Variants in ERP44 observed in about 807,000 individuals in gnomAD.
ERP44 encodes the protein endoplasmic reticulum protein 44.
ERP44 carries 25 observed loss-of-function variants against 53.4 expected under a neutral mutation model. The observed-to-expected ratio is 0.47, with a 90% CI of 0.34 to 0.65. The LOEUF (loss-of-function observed/expected upper bound fraction) is 0.65. ERP44 is among the 30% of genes least tolerant of loss of function. The pLI, the probability that ERP44 is intolerant of heterozygous loss-of-function variation, is 0.01. For synonymous variants in ERP44, 145 were observed against 161.2 expected (o/e 0.90, Z 0.76); for missense variants, 338 against 493.2 (o/e 0.69, Z 2.98).
At chr9:99,988,757 G>A (rs982107917) in intron 10 of ERP44, among the ~76,000 whole-genome samples, 1 of 152,186 alleles carries the variant, frequency 6.6e-6, no homozygotes, top group African/African-American at 2.4e-5. Flanking sequence ...ACAAGGGATT[G>A]GGGGATTTAC....
intron 1 of ERP44, among the ~76,000 whole-genome samples, chr9:100,093,644 G>A (rs74529214): frequency 0.21 from 30,950 of 147,038 alleles, 5,348 homozygotes; most frequent in African/African-American, 0.49. Flanking sequence ...CCCTGTCTGT[G>A]GGGGGGGAAA....
intron 11 of ERP44, among the ~76,000 whole-genome samples, chr9:99,983,515 G>A (rs1295311439): frequency 7.2e-6 from 1 of 138,054 alleles, no homozygotes; most frequent in Non-Finnish European, 1.5e-5. Context: ...ACTGCAGTCC[G>A]CAGTCCGACC....
chr9:100,020,679 TA>T lies in ERP44; in HGVS notation c.523del (p.Tyr175IlefsTer7). ...GYFEQKDSDN[Y>X]RVFERVANIL... is the part of the protein sequence containing the mutation. The stretch of plus-strand genomic sequence containing the variant: ...ATTCGCTACTCGTTCAAAAACTCTA[TA>T]GTTGTCCGAGTCCTTTTGCTCAAAA... On this transcript the variant is annotated frameshift_variant, in exon 6 of 12. Coordinates refer to ENST00000262455, the MANE Select transcript of ERP44 (RefSeq NM_015051.3). LOFTEE classifies it high-confidence loss of function. 1 of 1,611,202 alleles carries T rather than the reference TA, an allele frequency of 6.2e-7. No homozygotes were observed. Among genetic ancestry groups the T allele is most frequent in the Non-Finnish European group, 8.5e-7 (1 of 1,177,760 alleles).
In ERP44 at chr9:100,057,825, A is replaced by G. The variant is rs1182796670; in HGVS notation, c.165T>C (p.Ala55=). The stretch of plus-strand genomic sequence containing the variant: ...CAAACAATAAGATTACTTACCAGTC[A>G]GCATAAAAATTTACTAAAGCAACAT... The part of the protein sequence containing the change: ...NADVALVNFY[A]DWCRFSQMLH... Residue 55 remains alanine (A), a synonymous_variant, in exon 3 of 12, where the codon GCT becomes GCC. Transcript: ENST00000262455. 6.2e-7 allele frequency: 1 copy of G among 1,605,630 alleles called. No individual in the cohort carries two copies. Among genetic ancestry groups the G allele is most frequent in the Non-Finnish European group, 8.5e-7 (1 of 1,175,318 alleles).
intron 4 of ERP44, among the ~76,000 whole-genome samples, chr9:100,039,857 AAATTCT>A (rs564500793): frequency 4.2e-4 from 64 of 152,286 alleles, no homozygotes; most frequent in African/African-American, 1.4e-3. Context: ...GATACCACAG[AAATTCT>A]AAGGATCATT....
chr9:99,996,908 CAT>C (rs746292113), intron 10 of ERP44, among the ~76,000 whole-genome samples: 1,474 of 22,452 alleles, frequency 0.066, 8 homozygotes, highest in South Asian at 0.29. Context: ...TATATATATA[CAT>C]ATATATATAT....
chr9:100,087,239 TAC>T (rs1228891172), intron 1 of ERP44, among the ~76,000 whole-genome samples: 3 of 152,192 alleles, frequency 2.0e-5, no homozygotes, highest in East Asian at 1.9e-4. Flanking sequence ...CTAATTAAAA[TAC>T]AGTTATAAAA....
chr9:100,036,784 A>G (rs2118680843), intron 4 of ERP44, among the ~76,000 whole-genome samples: 1 of 151,328 alleles, frequency 6.6e-6, no homozygotes, highest in South Asian at 2.1e-4. Context: ...GTTCTCATTC[A>G]TATGTCGGAG....
rs542837092 is a variant in ERP44, at chr9:100,014,504, G to A, written c.762+1818C>T. 1.1e-4 allele frequency among the ~76,000 whole-genome samples: 16 copies of A among 152,258 alleles called. No homozygotes were observed. The East Asian group carries it at 2.3e-3, about 22-fold the overall frequency. Reference sequence around the variant, plus strand: ...TTCACCATGTTAGTTAGCCAGGCTGGTCTCGAACTCCCGACCTCAGGTGAC... The same window carrying A: ...TTCACCATGTTAGTTAGCCAGGCTGATCTCGAACTCCCGACCTCAGGTGAC... On this transcript the variant is annotated intron_variant, in intron 8 of 11. Transcript: ENST00000262455.
chr9:100,048,383 G>A (rs1366137300), intron 4 of ERP44, among the ~76,000 whole-genome samples: 4 of 151,964 alleles, frequency 2.6e-5, no homozygotes, highest in Admixed American at 2.0e-4. Context: ...TGCAGGTGAG[G>A]GTGTGGAGAA....
chr9:99,998,441 G>C, intron 10 of ERP44: 1 of 655,072 alleles, frequency 1.5e-6, no homozygotes, highest in Non-Finnish European at 2.8e-6. Context: ...CTCCTTTCTG[G>C]GTGCCGGACC....
intron 1 of ERP44, among the ~76,000 whole-genome samples, chr9:100,084,717 AAAGT>A (rs1319592833): frequency 2.0e-5 from 3 of 152,248 alleles, no homozygotes; most frequent in Non-Finnish European, 2.9e-5. Context: ...CTAATACTTC[AAAGT>A]AATATTCAAA....
At chr9:100,052,658 AT>A in intron 3 of ERP44, 126 bp from the exon 4 acceptor site, 1 of 514,240 alleles carries the variant, frequency 1.9e-6, no homozygotes, top group South Asian at 2.5e-5. Flanking sequence ...CACACACTTA[AT>A]TTAATCATGG....
At chr9:99,998,563 C>T in intron 10 of ERP44, 1 of 729,796 alleles carries the variant, frequency 1.4e-6, no homozygotes, top group Non-Finnish European at 2.5e-6. Flanking sequence ...GCCAGTCAGG[C>T]TCGTGGTGAG....
intron 10 of ERP44, chr9:99,998,796 C>T: frequency 2.1e-6 from 2 of 960,096 alleles, no homozygotes; most frequent in Non-Finnish European, 1.6e-6. Flanking sequence ...TCTCGCTTCT[C>T]TTCTCGAATT....
chr9:100,026,290 A>C (rs897645441), intron 4 of ERP44, among the ~76,000 whole-genome samples: 1 of 152,198 alleles, frequency 6.6e-6, no homozygotes, highest in Non-Finnish European at 1.5e-5. Flanking sequence ...AAGGACCTGC[A>C]ACCCTGTATC....
At chr9:100,068,043 CCCG>C (rs1381233362) in intron 1 of ERP44, among the ~76,000 whole-genome samples, 3 of 148,804 alleles carry the variant, frequency 2.0e-5, no homozygotes, top group African/African-American at 7.4e-5. Context: ...GGGTCAGTCC[CCCG>C]CCCGGCCAGC....
chr9:100,087,553 C>T (rs574431522), intron 1 of ERP44, among the ~76,000 whole-genome samples: 1 of 152,296 alleles, frequency 6.6e-6, no homozygotes, highest in South Asian at 2.1e-4. Context: ...TAATGCACTA[C>T]AGACACATTC....
intron 6 of ERP44, among the ~76,000 whole-genome samples, chr9:100,019,065 A>G (rs1830556146): frequency 6.6e-6 from 1 of 152,242 alleles, no homozygotes. Flanking sequence ...AAGTAGATAT[A>G]TTTATCTTTG....
Sources: gnomAD v4.1 joint callset for allele counts (sites outside exome capture counted in the v4.1 genomes callset) on GRCh38, gnomAD v4.1.1 for gene constraint, MANE v1.5 for transcripts, NCBI Gene and HGNC (gene_info 2026-07-23, HGNC 2026-07-21) for gene names.